The following CSRNP3 variants were observed in gnomAD, a reference collection of about 807,000 sequenced individuals.
The protein encoded by CSRNP3 is cysteine/serine-rich nuclear protein 3.
Under a neutral mutation model 48.0 loss-of-function variants are expected in CSRNP3, and 12 were observed. The ratio of observed to expected loss-of-function variants is 0.25; its 90% CI spans 0.16 to 0.41. CSRNP3 has a LOEUF of 0.41. CSRNP3 is among the 10% of genes least tolerant of loss of function. The probability of loss-of-function intolerance (pLI) is 1.00; values close to 1 mark genes in which losing one functional copy is unlikely to be tolerated. For missense variants in CSRNP3, 580 were observed against 724.4 expected, an observed-to-expected ratio of 0.80 and a Z score of 2.29; for synonymous variants, 263 against 269.7, an observed-to-expected ratio of 0.98 and a Z score of 0.24.
intron 3 of CSRNP3, among the ~76,000 whole-genome samples, chr2:165,528,723 A>G (rs566921083): frequency 6.6e-6 from 1 of 152,218 alleles, no homozygotes; most frequent in South Asian, 2.1e-4. Context: ...TGTTTTTACT[A>G]TTATTTCTTT....
intron 3 of CSRNP3, among the ~76,000 whole-genome samples, chr2:165,589,257 A>G (rs1345161063): frequency 6.6e-6 from 1 of 152,176 alleles, no homozygotes; most frequent in Non-Finnish European, 1.5e-5. Context: ...TCCTAGAAAG[A>G]TAATGTAGGT....
intron 3 of CSRNP3, among the ~76,000 whole-genome samples, chr2:165,549,904 CAG>C (rs1163130801): frequency 6.6e-6 from 1 of 152,120 alleles, no homozygotes; most frequent in East Asian, 1.9e-4. Flanking sequence ...AGATGAAAAA[CAG>C]ATATCAGTTC....
At position 165,678,651 on chromosome 2, in the gene CSRNP3, A is replaced by C. The variant is rs896456399; in HGVS notation, c.706-50A>C. 7.7e-6 allele frequency: 12 copies of C among 1,556,386 alleles called. No individual in the cohort carries two copies. The African/African-American group carries it at 1.1e-4, about 14-fold the overall frequency. ...AGTTACTGAAAAGTTCTGGGCGTTT[A>C]TTTGGTTTGTAATAGTTCCATGGTG... On this transcript the variant is annotated intron_variant, in intron 6 of 6. Coordinates refer to ENST00000651982, the MANE Select transcript of CSRNP3 (RefSeq NM_001172173.2).
intron 2 of CSRNP3, among the ~76,000 whole-genome samples, chr2:165,511,365 CAT>C (rs1345618886): frequency 6.6e-6 from 1 of 151,954 alleles, no homozygotes; most frequent in Non-Finnish European, 1.5e-5. Context: ...GATATTATAA[CAT>C]ATTTGCATAC....
intron 4 of CSRNP3, among the ~76,000 whole-genome samples, chr2:165,636,451 G>A (rs971934492): frequency 1.3e-5 from 2 of 152,236 alleles, no homozygotes; most frequent in Middle Eastern, 3.4e-3. Context: ...AATAAGACAC[G>A]TGTCTTGAGA....
At chr2:165,602,855 C>T (rs1246123466) in intron 4 of CSRNP3, among the ~76,000 whole-genome samples, 7 of 152,198 alleles carry the variant, frequency 4.6e-5, no homozygotes, top group Non-Finnish European at 1.0e-4. Context: ...ACATCCTCTT[C>T]GCCATCTCCT....
At chr2:165,470,803 A>G (rs571062651) in intron 1 of CSRNP3, among the ~76,000 whole-genome samples, 1 of 152,176 alleles carries the variant, frequency 6.6e-6, no homozygotes, top group East Asian at 1.9e-4. Flanking sequence ...AAGAATTATG[A>G]CTGACTTCAG....
intron 2 of CSRNP3, among the ~76,000 whole-genome samples, chr2:165,513,620 A>G (rs1165737116): frequency 7.9e-5 from 12 of 152,232 alleles, no homozygotes; most frequent in Non-Finnish European, 5.9e-5. Flanking sequence ...AGTCAATGCT[A>G]TCATTGGGAT....
chr2:165,497,098 G>C (rs997677174), intron 2 of CSRNP3, among the ~76,000 whole-genome samples: 5 of 152,032 alleles, frequency 3.3e-5, no homozygotes, highest in African/African-American at 9.7e-5. Context: ...CAGTATAGTG[G>C]AGAGTGGTTT....
At chr2:165,652,375 T>C (rs1686925851) in intron 4 of CSRNP3, among the ~76,000 whole-genome samples, 1 of 150,952 alleles carries the variant, frequency 6.6e-6, no homozygotes, top group Non-Finnish European at 1.5e-5. Context: ...GGTGTGCACC[T>C]GTAGTCCCAG....
At chr2:165,644,016 C>A (rs1008602117) in intron 4 of CSRNP3, among the ~76,000 whole-genome samples, 1 of 152,118 alleles carries the variant, frequency 6.6e-6, no homozygotes, top group Admixed American at 6.5e-5. Context: ...TGCTAGAGGT[C>A]AGTACCAATT....
In CSRNP3 at chr2:165,681,098, A is replaced by G. The variant is rs1413753705; in HGVS notation, c.*1345A>G. 1 of 152,168 alleles carries G rather than the reference A, an allele frequency of 6.6e-6. No individual in the cohort carries two copies. Among genetic ancestry groups the G allele is most frequent in the Admixed American group, 6.6e-5 (1 of 15,264 alleles). The allele number at this position is 152,168 out of a possible 1,614,324, so 9.4% of individuals were successfully genotyped here. A position where few individuals can be genotyped will look rare whatever the true frequency, so the allele number is the denominator to read the frequency against. ...TTCTCTTATTAAAGAGAACAGATAGAAATAAAACATGCACTCCCCACCTTT... is the reference window on the plus strand; with the variant it reads ...TTCTCTTATTAAAGAGAACAGATAGGAATAAAACATGCACTCCCCACCTTT... On this transcript the variant is annotated 3_prime_UTR_variant, in exon 7 of 7. Transcript: ENST00000651982.
At chr2:165,612,457 A>G (rs1416955685) in intron 4 of CSRNP3, among the ~76,000 whole-genome samples, 1 of 152,024 alleles carries the variant, frequency 6.6e-6, no homozygotes, top group Non-Finnish European at 1.5e-5. Flanking sequence ...CTTTCTGAAA[A>G]TATACACTAA....
At chr2:165,513,829 A>G (rs960961602) in intron 2 of CSRNP3, among the ~76,000 whole-genome samples, 1 of 152,232 alleles carries the variant, frequency 6.6e-6, no homozygotes, top group Non-Finnish European at 1.5e-5. Context: ...AAGGGCAACC[A>G]GGAAGCCAAA....
chr2:165,675,246 G>C (rs1049253835), intron 5 of CSRNP3, among the ~76,000 whole-genome samples: 4 of 152,032 alleles, frequency 2.6e-5, no homozygotes, highest in African/African-American at 7.2e-5. Flanking sequence ...ATGAACTGTT[G>C]TTAAGCTCAC....
At chr2:165,534,246 AT>A (rs913458919) in intron 3 of CSRNP3, among the ~76,000 whole-genome samples, 1 of 151,992 alleles carries the variant, frequency 6.6e-6, no homozygotes, top group African/African-American at 2.4e-5. Flanking sequence ...CTAAAATTAA[AT>A]TTGCTGAATT....
In CSRNP3 at chr2:165,526,887, G is replaced by A. The variant is rs1223805312; in HGVS notation, c.-24+8926G>A. 3.9e-5 allele frequency among the ~76,000 whole-genome samples: 6 copies of A among 152,076 alleles called. No individual in the cohort carries two copies. The East Asian group carries it at 1.2e-3, about 29-fold the overall frequency. On this transcript the variant is annotated intron_variant, in intron 3 of 6. Coordinates refer to ENST00000651982, the MANE Select transcript of CSRNP3 (RefSeq NM_001172173.2). ...TCATTATGTATCATAAATCTTAAAA[G>A]TCTGCATGCTCTCTGACTTAGGAAT...
intron 4 of CSRNP3, among the ~76,000 whole-genome samples, chr2:165,649,362 A>G (rs1430592902): frequency 1.3e-5 from 2 of 152,190 alleles, no homozygotes; most frequent in Non-Finnish European, 2.9e-5. Flanking sequence ...AATATTTTCA[A>G]TTTCATATAG....
chr2:165,562,057 TA>T (rs1685241735), intron 3 of CSRNP3, among the ~76,000 whole-genome samples: 1 of 152,122 alleles, frequency 6.6e-6, no homozygotes, highest in Admixed American at 6.6e-5. Context: ...GAAGTAGTAT[TA>T]TGTATTTGCT....
Sources: gnomAD v4.1 joint callset for allele counts (sites outside exome capture counted in the v4.1 genomes callset) on GRCh38, gnomAD v4.1.1 for gene constraint, MANE v1.5 for transcripts, NCBI Gene and HGNC (gene_info 2026-07-23, HGNC 2026-07-21) for gene names.